NUP205: variants seen among roughly 807,000 people sequenced by gnomAD.
NUP205 encodes nuclear pore complex protein Nup205.
A neutral mutation model predicts 253.8 loss-of-function variants in NUP205; 76 were observed. The observed-to-expected ratio is 0.30, with a 90% CI of 0.25 to 0.36. The LOEUF is 0.36. Ranked by LOEUF, NUP205 falls within the 10% of genes least tolerant of loss-of-function variation. The pLI, the probability that NUP205 is intolerant of heterozygous loss-of-function variation, is 1.00. For missense variants in NUP205, 2,162 were observed against 2,425.5 expected, an observed-to-expected ratio of 0.89 and a Z score of 2.28; for synonymous variants, 832 against 850.1, an observed-to-expected ratio of 0.98 and a Z score of 0.37.
intron 24 of NUP205, 120 bp downstream of exon 24, chr7:135,616,185 T>G: frequency 1.1e-6 from 1 of 924,214 alleles, no homozygotes; most frequent in Non-Finnish European, 1.6e-6. Flanking sequence ...CTTTTAGAAT[T>G]TTTTTTTCTT....
intron 3 of NUP205, among the ~76,000 whole-genome samples, 195 bp from the exon 4 acceptor site, chr7:135,576,075 A>G (rs1486000667): frequency 6.6e-6 from 1 of 152,134 alleles, no homozygotes; most frequent in Non-Finnish European, 1.5e-5. Flanking sequence ...GTGTTTAGGG[A>G]TAAGTTGGAT....
At chr7:135,618,050 G>A (rs1389052604) in intron 27 of NUP205, among the ~76,000 whole-genome samples, 1 of 151,908 alleles carries the variant, frequency 6.6e-6, no homozygotes, top group African/African-American at 2.4e-5. Context: ...CCAGGCCAAA[G>A]CAAGAGGCAA....
At chr7:135,638,721 G>T in intron 38 of NUP205, 38 bp downstream of exon 38, 1 of 1,612,826 alleles carries the variant, frequency 6.2e-7, no homozygotes, top group Middle Eastern at 1.7e-4. Flanking sequence ...AAGGAACTAA[G>T]TTGCTATGGT....
Position 135,618,609 on chromosome 7 carries a change from G to A in NUP205, c.3963+6G>A, listed in dbSNP as rs750057107. ...TACAAGATGTGCATGATAAGGTGAC[G>A]TACTTCCTAAAATACTTTATACTGC... On this transcript the variant is annotated splice_donor_region_variant and intron_variant, in intron 28 of 42. Coordinates refer to ENST00000285968, the MANE Select transcript of NUP205 (RefSeq NM_015135.3). 25 of 1,573,724 alleles carry A rather than the reference G, an allele frequency of 1.6e-5. No individual in the cohort carries two copies. Among genetic ancestry groups the A allele is most frequent in the South Asian group, 2.4e-5 (2 of 84,112 alleles).
chr7:135,640,784 A>G (rs1794903306), intron 38 of NUP205, among the ~76,000 whole-genome samples: 1 of 152,214 alleles, frequency 6.6e-6, no homozygotes, highest in African/African-American at 2.4e-5. Flanking sequence ...AAACTGGGGA[A>G]GTAGCTACAA....
intron 25 of NUP205, 39 bp from the exon 26 acceptor site, chr7:135,617,051 T>C (rs1010310563): frequency 3.4e-6 from 5 of 1,482,126 alleles, no homozygotes; most frequent in East Asian, 4.8e-5. Flanking sequence ...TTCTTTTCAA[T>C]GTCCCAAGTA....
chr7:135,561,210 G>T (rs940831868), intron 1 of NUP205, among the ~76,000 whole-genome samples: 1 of 152,106 alleles, frequency 6.6e-6, no homozygotes, highest in African/African-American at 2.4e-5. Flanking sequence ...CTGGCATGAT[G>T]GCAGGTGTCT....
chr7:135,627,822 C>G, intron 33 of NUP205, 151 bp from the exon 34 acceptor site: 1 of 577,792 alleles, frequency 1.7e-6, no homozygotes, highest in South Asian at 3.6e-5. Context: ...TTTCTCTGGA[C>G]CGCGGATGTA....
intron 22 of NUP205, among the ~76,000 whole-genome samples, chr7:135,610,998 CTTCTT>C (rs1794217246): frequency 6.8e-6 from 1 of 146,932 alleles, no homozygotes; most frequent in Non-Finnish European, 1.5e-5. Context: ...GTGTCCTTCT[CTTCTT>C]TTTTTTTTTT....
Position 135,585,677 on chromosome 7 carries a change from A to G in NUP205, c.1218+670A>G, listed in dbSNP as rs1299020583. Among the ~76,000 whole-genome samples, 3 of 151,592 alleles carry G rather than the reference A, an allele frequency of 2.0e-5. No individual in the cohort carries two copies. The South Asian group carries it at 6.3e-4, about 32-fold the overall frequency. ...AGTGATTCTCCTGCCACAGTCTCCC[A>G]AGTAGCTGGGATTACAGGCGCCCGC... is the stretch of plus-strand genomic sequence containing the variant. On this transcript the variant is annotated intron_variant, in intron 8 of 42. Coordinates refer to ENST00000285968, the MANE Select transcript of NUP205 (RefSeq NM_015135.3).
Position 135,604,344 on chromosome 7 carries a change from C to G in NUP205, c.2707C>G (p.Leu903Val). Residue 903 changes from leucine (L) to valine (V), a missense_variant, in exon 19 of 43, where the codon CTA becomes GTA. Leu to Val is a conservative substitution (Grantham distance 32, BLOSUM62 1). Around this residue, in one of 5 missense-constraint regions of NUP205, gnomAD observed 892 missense variants for 957.1 expected, o/e 0.93. Coordinates refer to ENST00000285968, the MANE Select transcript of NUP205 (RefSeq NM_015135.3). Reference protein sequence around the residue: ...ADNVVNIARYLYHGNTNPELA... With the variant: ...ADNVVNIARYVYHGNTNPELA... Reference sequence around the variant, plus strand: ...AATGTTTTCTTTTCTTTAAAGATACCTATATCATGGCAATACTAATCCAGA... The same window carrying G: ...AATGTTTTCTTTTCTTTAAAGATACGTATATCATGGCAATACTAATCCAGA... 1.2e-6 allele frequency: 2 copies of G among 1,605,422 alleles called. No individual in the cohort carries two copies. Among genetic ancestry groups the G allele is most frequent in the Non-Finnish European group, 1.7e-6 (2 of 1,177,526 alleles).
chr7:135,562,421 T>C (rs1805609975), intron 1 of NUP205, among the ~76,000 whole-genome samples: 1 of 151,916 alleles, frequency 6.6e-6, no homozygotes, highest in African/African-American at 2.4e-5. Context: ...GTGCCTCGAA[T>C]TTCTGACCTC....
At chr7:135,594,218 A>G (rs770127889) in intron 12 of NUP205, among the ~76,000 whole-genome samples, 1 of 152,156 alleles carries the variant, frequency 6.6e-6, no homozygotes, top group Non-Finnish European at 1.5e-5. Flanking sequence ...GCAGTATAAT[A>G]TATTGTTCCA....
intron 34 of NUP205, among the ~76,000 whole-genome samples, chr7:135,628,504 G>A (rs913139662): frequency 6.6e-6 from 1 of 152,134 alleles, no homozygotes; most frequent in African/African-American, 2.4e-5. Context: ...CCAGCACTTC[G>A]GGAGACTGAC....
Position 135,630,356 on chromosome 7 carries a change from C to G in NUP205, c.4945C>G (p.Leu1649Val), listed in dbSNP as rs1794684078. The change falls in exon 35 of 43, where the codon CTT becomes GTT. Residue 1649 changes from leucine (L) to valine (V), a missense_variant. Around this residue, in one of 5 missense-constraint regions of NUP205, gnomAD observed 1,144 missense variants for 1,280.9 expected, o/e 0.89. Transcript: ENST00000285968. Reference sequence around the variant, plus strand: ...TTCAATGGCTTAGGTATTGCAGTTTCTTATTTCACATTCTGATACCATACA... The same window carrying G: ...TTCAATGGCTTAGGTATTGCAGTTTGTTATTTCACATTCTGATACCATACA... ...LQAAGQVLQF[L>V]ISHSDTIQAI... The G allele has an allele frequency of 6.3e-7, 1 of 1,587,486 alleles. No individual in the cohort carries two copies. The highest frequency in any genetic ancestry group is 8.6e-7 in the Non-Finnish European group (1 of 1,169,316).
In NUP205 at chr7:135,619,893, A is replaced by G. The variant is rs199902369; in HGVS notation, c.4330+5A>G. On this transcript the variant is annotated splice_donor_5th_base_variant and intron_variant, in intron 30 of 42. Transcript: ENST00000285968. ...AACCAGACACCTTAGAAGCAGGTAG[A>G]ATGAGATCAATTCCTAATCTTTTCT... is the stretch of plus-strand genomic sequence containing the variant. 88 of 1,544,826 alleles carry G rather than the reference A, an allele frequency of 5.7e-5. No individual in the cohort carries two copies. The highest frequency in any genetic ancestry group is 7.1e-5 in the Non-Finnish European group (80 of 1,122,814).
chr7:135,576,913 T>G, intron 4 of NUP205, 56 bp from the exon 5 acceptor site: 1 of 1,522,292 alleles, frequency 6.6e-7, no homozygotes, highest in South Asian at 1.2e-5. Context: ...CCTATTATTA[T>G]GAAGAAGCAT....
At chr7:135,596,157 C>T (rs1219815988) in intron 13 of NUP205, among the ~76,000 whole-genome samples, 2 of 152,212 alleles carry the variant, frequency 1.3e-5, no homozygotes, top group Non-Finnish European at 2.9e-5. Flanking sequence ...TGGTCTTGAA[C>T]TTCTCCCCTC....
chr7:135,636,549 CT>C (rs767720011), intron 36 of NUP205, among the ~76,000 whole-genome samples: 6 of 152,074 alleles, frequency 3.9e-5, no homozygotes, highest in Non-Finnish European at 5.9e-5. Flanking sequence ...AGGAAGACAC[CT>C]TTTTGATGGA....
Sources: allele counts gnomAD v4.1 joint callset (sites outside exome capture counted in the v4.1 genomes callset), GRCh38; gene constraint gnomAD v4.1.1; regional missense constraint gnomAD v4.1.1; transcripts MANE v1.5; gene names NCBI Gene and HGNC (gene_info 2026-07-23, HGNC 2026-07-21).